ZNF536: variants seen among roughly 807,000 people sequenced by gnomAD.
ZNF536 encodes zinc finger protein 536.
In ZNF536, 13 loss-of-function variants were observed where a neutral mutation model predicts 84.5. The observed-to-expected ratio is 0.15, with a 90% confidence interval of 0.10 to 0.24. The LOEUF (loss-of-function observed/expected upper bound fraction) is 0.24. ZNF536 is among the 10% of genes least tolerant of loss of function. ZNF536 has a pLI of 1.00. For synonymous variants in ZNF536, 811 were observed against 742.5 expected, an observed-to-expected ratio of 1.09 and a Z score of -1.50; for missense variants, 1,536 against 1,747.5, an observed-to-expected ratio of 0.88 and a Z score of 2.16.
At chr19:30,424,694 G>A (rs750729463) in intron 1 of ZNF536, among the ~76,000 whole-genome samples, 9 of 152,120 alleles carry the variant, frequency 5.9e-5, no homozygotes, top group Admixed American at 1.3e-4. Context: ...CCTTCTTTCC[G>A]GAAGACTCTG....
chr19:30,428,029 C>T (rs1304332066), intron 1 of ZNF536, among the ~76,000 whole-genome samples: 1 of 152,232 alleles, frequency 6.6e-6, no homozygotes, highest in South Asian at 2.1e-4. Context: ...TCCCTGCTCA[C>T]ATGCCTTTTG....
chr19:30,400,124 C>T (rs2049987630), intron 1 of ZNF536, among the ~76,000 whole-genome samples: 1 of 151,762 alleles, frequency 6.6e-6, no homozygotes, highest in Non-Finnish European at 1.5e-5. Flanking sequence ...TCACTATTCT[C>T]CTATTGTAGG....
chr19:30,253,325 GC>G (rs1486239502), intron 1 of ZNF536, among the ~76,000 whole-genome samples: 1 of 152,148 alleles, frequency 6.6e-6, no homozygotes, highest in African/African-American at 2.4e-5. Flanking sequence ...AATTCTATAA[GC>G]CATTTCATGT....
At chr19:30,560,937 T>C (rs914773041), downstream of ZNF536, among the ~76,000 whole-genome samples, 1 of 152,202 alleles carries the variant, frequency 6.6e-6, no homozygotes, top group African/African-American at 2.4e-5. Context: ...AAGGTTAAAG[T>C]TGGGGAACTC....
At chr19:30,521,385 A>G (rs2044314045) in intron 2 of ZNF536, among the ~76,000 whole-genome samples, 1 of 152,160 alleles carries the variant, frequency 6.6e-6, no homozygotes, top group Admixed American at 6.5e-5. Flanking sequence ...GGCTTGTTGG[A>G]GGACACACTC....
rs73023634 is a variant in ZNF536, at chr19:30,270,055, G to A, written c.-189-14017G>A. ...ATTTAAAAATACCTACTTCTAAGGCGAATTCATCCAAGTCATCAGATAGGT... is the reference window on the plus strand; with the variant it reads ...ATTTAAAAATACCTACTTCTAAGGCAAATTCATCCAAGTCATCAGATAGGT... On this transcript the variant is annotated intron_variant, in intron 1 of 5. Transcript: ENST00000585628. Among the ~76,000 whole-genome samples the A allele has an allele frequency of 1.8e-3, 271 of 152,246 alleles. 1 individual carries two copies. The highest frequency in any genetic ancestry group is 3.2e-3 in the Non-Finnish European group (221 of 68,024).
At chr19:30,372,233 G>T (rs543121159), upstream of ZNF536, among the ~76,000 whole-genome samples, 17 of 152,312 alleles carry the variant, frequency 1.1e-4, no homozygotes, top group East Asian at 1.2e-3. Flanking sequence ...AGGGAAAGGG[G>T]TTAGCACCAG....
At chr19:30,282,269 C>T (rs996566175) in intron 1 of ZNF536, among the ~76,000 whole-genome samples, 6 of 152,362 alleles carry the variant, frequency 3.9e-5, no homozygotes, top group African/African-American at 1.4e-4. Flanking sequence ...ACCTTGCCCA[C>T]GCAGGTCAGA....
chr19:30,688,152 A>G (rs563571575), intron 1 of ZNF536, among the ~76,000 whole-genome samples: 4 of 152,284 alleles, frequency 2.6e-5, no homozygotes, highest in South Asian at 4.1e-4. Context: ...TCCACCTCCC[A>G]TCTCCTGCCC....
At chr19:30,628,532 C>T (rs981021221) in intron 1 of ZNF536, among the ~76,000 whole-genome samples, 2 of 150,942 alleles carry the variant, frequency 1.3e-5, no homozygotes, top group South Asian at 2.1e-4. Flanking sequence ...GGGTTCACGC[C>T]ATTCTCCTGC....
intron 1 of ZNF536, among the ~76,000 whole-genome samples, chr19:30,702,928 G>A (rs537926273): frequency 2.0e-5 from 3 of 152,322 alleles, no homozygotes; most frequent in South Asian, 2.1e-4. Flanking sequence ...CCTTGCCCCC[G>A]TGGAGCTGAC....
At chr19:30,490,092 C>G (rs1343377759) in intron 2 of ZNF536, among the ~76,000 whole-genome samples, 1 of 152,196 alleles carries the variant, frequency 6.6e-6, no homozygotes, top group Admixed American at 6.5e-5. Flanking sequence ...GAGGATCTGA[C>G]TTAGTCCAAG....
At chr19:30,307,402 A>AG (rs1373227263) in intron 2 of ZNF536, among the ~76,000 whole-genome samples, 2 of 150,846 alleles carry the variant, frequency 1.3e-5, no homozygotes, top group African/African-American at 4.9e-5. Flanking sequence ...AAAAAAAAAA[A>AG]TCTGTTCTGC....
intron 2 of ZNF536, among the ~76,000 whole-genome samples, chr19:30,471,567 A>G (rs1271826508): frequency 2.0e-5 from 3 of 152,200 alleles, no homozygotes; most frequent in Non-Finnish European, 4.4e-5. Context: ...GCATGGAGAG[A>G]GAAGGCCTGT....
intron 1 of ZNF536, among the ~76,000 whole-genome samples, chr19:30,638,084 C>G (rs1018398314): frequency 1.3e-5 from 2 of 152,120 alleles, no homozygotes; most frequent in Non-Finnish European, 2.9e-5. Flanking sequence ...CATCAAACAA[C>G]CTGGTATCAG....
intron 1 of ZNF536, among the ~76,000 whole-genome samples, chr19:30,617,333 C>CTTTTGTTTTTTTT (rs2048331960): frequency 2.7e-5 from 1 of 37,710 alleles, no homozygotes; most frequent in African/African-American, 6.8e-5. Flanking sequence ...GAATAGCTTA[C>CTTTTGTTTTTTTT]TTTTTTTTTT....
chr19:30,597,490 A>T (rs527864832), intron 1 of ZNF536, among the ~76,000 whole-genome samples: 3 of 152,308 alleles, frequency 2.0e-5, no homozygotes, highest in African/African-American at 7.2e-5. Context: ...CCTATAGGTG[A>T]TGCTCTGTAA....
intron 1 of ZNF536, among the ~76,000 whole-genome samples, chr19:30,244,295 T>C (rs1205503512): frequency 6.6e-6 from 1 of 151,988 alleles, no homozygotes; most frequent in East Asian, 1.9e-4. Flanking sequence ...TTAAGAACGA[T>C]CCACCCCCCC....
At chr19:30,552,789 G>A (rs111554737) in intron 4 of ZNF536, among the ~76,000 whole-genome samples, 1,642 of 152,254 alleles carry the variant, frequency 0.011, 34 homozygotes, top group African/African-American at 0.037. Flanking sequence ...GTGGGGAGAC[G>A]CCTGTTGCAT....
Sources: gnomAD v4.1 joint callset for allele counts (sites outside exome capture counted in the v4.1 genomes callset) on GRCh38, gnomAD v4.1.1 for gene constraint, MANE v1.5 for transcripts, NCBI Gene and HGNC (gene_info 2026-07-23, HGNC 2026-07-21) for gene names.